The following ASAP2 variants were observed in gnomAD, a reference collection of about 807,000 sequenced individuals.
ASAP2 encodes the protein ArfGAP with SH3 domain, ankyrin repeat and PH domain 2.
ASAP2 carries 45 observed loss-of-function variants against 131.4 expected under a neutral mutation model. That is an observed-to-expected ratio of 0.34 (90% confidence interval 0.27 to 0.44). ASAP2 has a LOEUF of 0.44. Among genes scored for constraint, ASAP2 ranks in the 20% least tolerant of loss-of-function variants. The pLI, the probability that ASAP2 is intolerant of heterozygous loss-of-function variation, is 1.00. For missense variants in ASAP2, 1,011 were observed against 1,297.0 expected (o/e 0.78, Z 3.39); for synonymous variants, 510 against 503.0 (o/e 1.01, Z -0.19).
intron 1 of ASAP2, among the ~76,000 whole-genome samples, chr2:9,259,823 G>T (rs1279718319): frequency 6.6e-6 from 1 of 152,232 alleles, no homozygotes; most frequent in Non-Finnish European, 1.5e-5. Flanking sequence ...AGGGATGGAG[G>T]CCGATGCTAA....
intron 1 of ASAP2, among the ~76,000 whole-genome samples, chr2:9,267,999 A>G (rs1045839248): frequency 6.6e-6 from 1 of 151,862 alleles, no homozygotes; most frequent in Non-Finnish European, 1.5e-5. Flanking sequence ...CGCCCTCAGA[A>G]GCTTCCCCTG....
intron 1 of ASAP2, among the ~76,000 whole-genome samples, chr2:9,237,414 C>A (rs75739053): frequency 1.5e-5 from 2 of 131,974 alleles, no homozygotes; most frequent in Admixed American, 7.7e-5. Flanking sequence ...GTCTTTTGGT[C>A]TTTTTTTTTT....
chr2:9,234,263 C>A (rs1460212452), intron 1 of ASAP2, among the ~76,000 whole-genome samples: 4 of 152,082 alleles, frequency 2.6e-5, no homozygotes, highest in Non-Finnish European at 5.9e-5. Context: ...TCTCAGCTTC[C>A]TAAGCTTGAG....
chr2:9,344,634 G>A lies in ASAP2; in HGVS notation c.952G>A (p.Gly318Arg). 6 of 1,613,886 alleles carry A rather than the reference G, an allele frequency of 3.7e-6. No individual in the cohort carries two copies. Among genetic ancestry groups the A allele is most frequent in the East Asian group, 2.2e-5 (1 of 44,884 alleles). The change falls in exon 10 of 28, where the codon GGG (glycine) becomes AGG (arginine). Residue 318 changes from glycine to arginine, a missense_variant and splice_region_variant. Transcript: ENST00000281419. ...CGGCAGCCTCTACAAGAAGAGTGAC[G>A]GGTACGTGAGGGGGTGTGGCTAGAG... is the stretch of plus-strand genomic sequence containing the variant. The part of the protein sequence containing the change: ...RNGSLYKKSD[G>R]IRKVWQKRKC...
At chr2:9,323,973 C>G (rs930890791) in intron 6 of ASAP2, among the ~76,000 whole-genome samples, 2 of 152,242 alleles carry the variant, frequency 1.3e-5, no homozygotes, top group Non-Finnish European at 2.9e-5. Context: ...CAGCTGCCAC[C>G]TCTGCCTGGG....
chr2:9,254,254 T>TATATATATATATATATACACACACAC (rs1553297027), intron 1 of ASAP2, among the ~76,000 whole-genome samples: 5 of 65,758 alleles, frequency 7.6e-5, no homozygotes, highest in African/African-American at 1.5e-4. Context: ...TATATATATA[T>TATATATATATATATATACACACACAC]ACACGTGTGT....
chr2:9,211,729 C>G (rs1661575652), intron 1 of ASAP2, among the ~76,000 whole-genome samples: 1 of 152,180 alleles, frequency 6.6e-6, no homozygotes, highest in Admixed American at 6.5e-5. Context: ...GCCCTGCCGT[C>G]CATGGGACCA....
chr2:9,312,048 A>T (rs1354504545), intron 3 of ASAP2, among the ~76,000 whole-genome samples: 1 of 152,244 alleles, frequency 6.6e-6, no homozygotes, highest in East Asian at 1.9e-4. Context: ...TATGTATTAT[A>T]AAAATCACCC....
At chr2:9,400,657 GAC>G in intron 25 of ASAP2, 83 bp from the exon 26 acceptor site, 1 of 1,281,808 alleles carries the variant, frequency 7.8e-7, no homozygotes, top group South Asian at 1.2e-5. Context: ...CCTGCTTTCA[GAC>G]ACACCCTGTG....
intron 24 of ASAP2, among the ~76,000 whole-genome samples, chr2:9,395,823 G>A (rs1676102120): frequency 6.6e-6 from 1 of 151,716 alleles, no homozygotes; most frequent in Admixed American, 6.6e-5. Flanking sequence ...TAGCCAGGAT[G>A]GTCTCAATCT....
intron 1 of ASAP2, among the ~76,000 whole-genome samples, chr2:9,270,581 A>G (rs150138902): frequency 1.6e-3 from 248 of 151,990 alleles, no homozygotes; most frequent in African/African-American, 5.6e-3. Flanking sequence ...TTACATCTCA[A>G]TTATACTCTC....
intron 1 of ASAP2, among the ~76,000 whole-genome samples, chr2:9,234,007 A>T (rs1663357934): frequency 6.7e-6 from 1 of 149,582 alleles, no homozygotes; most frequent in Non-Finnish European, 1.5e-5. Flanking sequence ...GCTACTCGGG[A>T]GGCTGAGGCA....
intron 12 of ASAP2, among the ~76,000 whole-genome samples, chr2:9,353,453 G>C (rs1672481898): frequency 6.6e-6 from 1 of 152,110 alleles, no homozygotes; most frequent in African/African-American, 2.4e-5. Flanking sequence ...GCTACTCAGG[G>C]AGCTGAGATG....
chr2:9,266,147 C>CTCTT (rs1665928901), intron 1 of ASAP2, among the ~76,000 whole-genome samples: 1 of 133,902 alleles, frequency 7.5e-6, no homozygotes, highest in African/African-American at 2.9e-5. Context: ...GCCTTTTTAT[C>CTCTT]TTTTTTTTTT....
At chr2:9,357,488 A>T (rs1672797524) in intron 14 of ASAP2, among the ~76,000 whole-genome samples, 1 of 152,128 alleles carries the variant, frequency 6.6e-6, no homozygotes, top group Non-Finnish European at 1.5e-5. Context: ...AAAACAAACA[A>T]ACAAAAAACC....
intron 2 of ASAP2, among the ~76,000 whole-genome samples, chr2:9,283,502 C>G (rs984772316): frequency 3.3e-5 from 5 of 152,176 alleles, no homozygotes; most frequent in Non-Finnish European, 4.4e-5. Flanking sequence ...CAGGGGAAAT[C>G]GGTGTCCTTT....
At chr2:9,247,900 C>G (rs1664443419) in intron 1 of ASAP2, among the ~76,000 whole-genome samples, 1 of 152,208 alleles carries the variant, frequency 6.6e-6, no homozygotes, top group African/African-American at 2.4e-5. Flanking sequence ...CTCCTCTGCC[C>G]CCCACACTGA....
At chr2:9,238,522 G>C (rs73153640) in intron 1 of ASAP2, among the ~76,000 whole-genome samples, 1,975 of 152,276 alleles carry the variant, frequency 0.013, 46 homozygotes, top group African/African-American at 0.045. Context: ...TGTCTTACTG[G>C]AAATGTCTTT....
At chr2:9,308,872 C>T (rs1669116552) in intron 3 of ASAP2, among the ~76,000 whole-genome samples, 1 of 152,182 alleles carries the variant, frequency 6.6e-6, no homozygotes, top group Non-Finnish European at 1.5e-5. Context: ...CCTGTGTCAT[C>T]TGGTGGTTTA....
Sources: allele counts gnomAD v4.1 joint callset (sites outside exome capture counted in the v4.1 genomes callset), GRCh38; gene constraint gnomAD v4.1.1; transcripts MANE v1.5; gene names NCBI Gene and HGNC (gene_info 2026-07-23, HGNC 2026-07-21).